The following HBEGF variants were observed in gnomAD, a reference collection of about 807,000 sequenced individuals.
HBEGF encodes proheparin-binding EGF-like growth factor.
A neutral mutation model predicts 19.5 loss-of-function variants in HBEGF; 8 were observed. The observed-to-expected ratio is 0.41, with a 90% confidence interval of 0.24 to 0.74. The LOEUF (loss-of-function observed/expected upper bound fraction) is 0.74. HBEGF is among the 30% of genes least tolerant of loss of function. The pLI is 0.32. For missense variants in HBEGF, 207 were observed against 256.9 expected, an observed-to-expected ratio of 0.81 and a Z score of 1.33; for synonymous variants, 97 against 108.9, an observed-to-expected ratio of 0.89 and a Z score of 0.68.
chr5:140,339,768 C>T (rs1766280614), intron 3 of HBEGF, among the ~76,000 whole-genome samples: 1 of 152,106 alleles, frequency 6.6e-6, no homozygotes, highest in Non-Finnish European at 1.5e-5. Context: ...CTGCAGAGGG[C>T]TAGTTTAGGA....
At chr5:140,340,645 G>T (rs1040963547) in intron 3 of HBEGF, among the ~76,000 whole-genome samples, 7 of 150,520 alleles carry the variant, frequency 4.7e-5, no homozygotes, top group African/African-American at 1.7e-4. Context: ...AGAAAATTCT[G>T]CCCAAGAAGT....
At chr5:140,337,741 T>C (rs1444025709) in intron 3 of HBEGF, among the ~76,000 whole-genome samples, 2 of 152,148 alleles carry the variant, frequency 1.3e-5, no homozygotes, top group Non-Finnish European at 2.9e-5. Flanking sequence ...CCACTATACG[T>C]ATAGCACAGT....
In HBEGF at chr5:140,346,161, C is replaced by T; in HGVS notation, c.47-77G>A. ...ACACGCACCGATGCCGACGCCCGTC[C>T]GCCAGAGCGCAAGGGCCCCACCAAG... On this transcript the variant is annotated intron_variant, in intron 1 of 5. Transcript: ENST00000230990. This position sits in a 1 kb window ranked among gnomAD's most constrained non-coding sequence, Gnocchi z 6.1. The T allele has an allele frequency of 1.3e-6, 2 of 1,561,098 alleles. No homozygotes were observed. The highest frequency in any genetic ancestry group is 8.7e-7 in the Non-Finnish European group (1 of 1,154,276).
At chr5:140,334,833 A>G in intron 4 of HBEGF, 85 bp from the exon 5 acceptor site, 1 of 1,107,492 alleles carries the variant, frequency 9.0e-7, no homozygotes, top group African/African-American at 1.5e-5. Context: ...GAACTCTGCC[A>G]TGGTGGTTTC....
Position 140,338,175 on chromosome 5 carries a change from T to C in HBEGF, c.399-2148A>G, listed in dbSNP as rs139035113. On this transcript the variant is annotated intron_variant, in intron 3 of 5. Transcript: ENST00000230990. ...CCTGGGGGGCAGTCTGACCCTTCTCTCTGACTATGTTATTATTATTTATTA... is the reference window on the plus strand; with the variant it reads ...CCTGGGGGGCAGTCTGACCCTTCTCCCTGACTATGTTATTATTATTTATTA... 1.7e-4 allele frequency among the ~76,000 whole-genome samples: 26 copies of C among 152,342 alleles called. No homozygotes were observed. In the East Asian group the frequency reaches 5.0e-3, roughly 29 times the overall value.
chr5:140,334,773 A>T, intron 4 of HBEGF, 25 bp from the exon 5 acceptor site: 1 of 1,561,754 alleles, frequency 6.4e-7, no homozygotes, highest in South Asian at 1.1e-5. Flanking sequence ...TTTTGTGAAT[A>T]AGCCCTGCCT....
intron 3 of HBEGF, among the ~76,000 whole-genome samples, chr5:140,340,798 C>T (rs1024543565): frequency 1.3e-5 from 2 of 152,120 alleles, no homozygotes; most frequent in African/African-American, 4.8e-5. Context: ...AAGATGAAAG[C>T]CAACACCCAG....
rs1252271928 is a variant in HBEGF, at chr5:140,342,814, T to C, written c.221-2A>G. 1 of 1,614,036 alleles carries C rather than the reference T, an allele frequency of 6.2e-7. No homozygotes were observed. The highest frequency in any genetic ancestry group is 8.5e-7 in the Non-Finnish European group (1 of 1,180,006). ...CTTGTGGCTTGGAGGATAAAGTGAC[T>C]GTAGGAGAAAAGCACTCTGTTAAAG... On this transcript the variant is annotated splice_acceptor_variant, in intron 2 of 5. Coordinates refer to ENST00000230990, the MANE Select transcript of HBEGF (RefSeq NM_001945.3). LOFTEE classifies it high-confidence loss of function.
rs1375381137 is a variant in HBEGF at position 140,346,024 on chromosome 5, C to G, written c.107G>C (p.Gly36Ala). ...AGTGGGAGGGTCCGGGTTGCTGGTT[C>G]CAGCAGCTAGCCCTCTCCGAAGCCG... The part of the protein sequence containing the change: ...LERLRRGLAA[G>A]TSNPDPPTVS... Residue 36 changes from glycine to alanine, a missense_variant, in exon 2 of 6, where the codon GGA (glycine) becomes GCA (alanine). Physicochemically the swap from Gly to Ala is moderately conservative, Grantham distance 60. This residue lies in a region of HBEGF where 127 missense variants were observed against 132.7 expected (regional missense o/e 0.96). Coordinates refer to ENST00000230990, the MANE Select transcript of HBEGF (RefSeq NM_001945.3). The surrounding 1 kb of genome is among the most constrained non-coding windows in gnomAD (Gnocchi z 6.1). The G allele has an allele frequency of 2.5e-6, 4 of 1,613,960 alleles. No individual in the cohort carries two copies. The African/African-American group carries it at 5.3e-5, about 22-fold the overall frequency.
intron 3 of HBEGF, 83 bp downstream of exon 3, chr5:140,342,552 T>G: frequency 7.7e-7 from 1 of 1,300,692 alleles, no homozygotes; most frequent in South Asian, 1.3e-5. Flanking sequence ...AATTATGAAT[T>G]CAAGGAACAG....
intron 4 of HBEGF, 100 bp from the exon 5 acceptor site, chr5:140,334,848 A>G: frequency 1.0e-6 from 1 of 982,906 alleles, no homozygotes; most frequent in Non-Finnish European, 1.6e-6. Flanking sequence ...GGTTTCCTCT[A>G]CTACTTGGAA....
chr5:140,337,019 C>T (rs6882074), intron 3 of HBEGF, among the ~76,000 whole-genome samples: 7,215 of 151,792 alleles, frequency 0.048, 467 homozygotes, highest in African/African-American at 0.15. Context: ...TTAGAAGAGA[C>T]GGAGTTTCAC....
chr5:140,334,836 G>T, intron 4 of HBEGF, 88 bp from the exon 5 acceptor site: 3 of 1,081,392 alleles, frequency 2.8e-6, no homozygotes, highest in Non-Finnish European at 4.3e-6. Context: ...CTCTGCCATG[G>T]TGGTTTCCTC....
chr5:140,336,121 C>T, intron 3 of HBEGF, 94 bp from the exon 4 acceptor site: 1 of 1,296,366 alleles, frequency 7.7e-7, no homozygotes, highest in South Asian at 1.4e-5. Context: ...ATTCCTCATA[C>T]CCTCAGCCTG....
intron 2 of HBEGF, chr5:140,343,192 T>G: frequency 5.1e-6 from 1 of 195,424 alleles, no homozygotes; most frequent in Non-Finnish European, 1.1e-5. Flanking sequence ...TATTTTGGCC[T>G]TCAATCAGCC....
At chr5:140,342,554 A>G (rs994853026) in intron 3 of HBEGF, 81 bp downstream of exon 3, 3 of 1,312,028 alleles carry the variant, frequency 2.3e-6, no homozygotes, top group Non-Finnish European at 3.3e-6. Context: ...TTATGAATTC[A>G]AGGAACAGTG....
rs775935658 is a variant in HBEGF at position 140,346,344 on chromosome 5, G to A, written c.-16C>T. 2 of 1,606,032 alleles carry A rather than the reference G, an allele frequency of 1.2e-6. No homozygotes were observed. Among genetic ancestry groups the A allele is most frequent in the Non-Finnish European group, 1.7e-6 (2 of 1,176,834 alleles). ...GCAGCTTCATGGTCCCGCACCGAGA[G>A]GAGGCGGCGAGGCACCAGTCACTTT... On this transcript the variant is annotated 5_prime_UTR_variant, in exon 1 of 6. Transcript: ENST00000230990. The surrounding 1 kb of genome is among the most constrained non-coding windows in gnomAD (Gnocchi z 6.1).
Position 140,342,621 on chromosome 5 carries a change from G to A in HBEGF, c.398+14C>T, listed in dbSNP as rs981930770. The A allele has an allele frequency of 1.2e-6, 2 of 1,613,120 alleles. No homozygotes were observed. Among genetic ancestry groups the A allele is most frequent in the South Asian group, 1.1e-5 (1 of 91,048 alleles). ...TGTGCTGATGAGATTCAGCCCTGGG[G>A]AAGGGGCACTTACATGCAGGAGGGA... On this transcript the variant is annotated intron_variant, in intron 3 of 5. Transcript: ENST00000230990.
chr5:140,342,107 A>G (rs1766321861), intron 3 of HBEGF, among the ~76,000 whole-genome samples: 1 of 152,196 alleles, frequency 6.6e-6, no homozygotes, highest in Non-Finnish European at 1.5e-5. Context: ...GAAGAAAGAG[A>G]GGCCTCAACC....
Sources: allele counts gnomAD v4.1 joint callset (sites outside exome capture counted in the v4.1 genomes callset), GRCh38; gene constraint gnomAD v4.1.1; regional missense constraint gnomAD v4.1.1; non-coding constraint Gnocchi (gnomAD v3.1); transcripts MANE v1.5; gene names NCBI Gene and HGNC (gene_info 2026-07-23, HGNC 2026-07-21).